Variants in NT5DC1 observed in about 807,000 individuals in gnomAD.
NT5DC1 encodes 5'-nucleotidase domain containing 1.
NT5DC1 carries 42 observed loss-of-function variants against 59.4 expected under a neutral mutation model. That is an observed-to-expected ratio of 0.71 (90% CI 0.55 to 0.92). NT5DC1 has a LOEUF of 0.92. Ranked by LOEUF, NT5DC1 falls within the 40% of genes least tolerant of loss-of-function variation. The pLI, the probability that NT5DC1 is intolerant of heterozygous loss-of-function variation, is 0.00. For synonymous variants in NT5DC1, 172 were observed against 188.1 expected, an observed-to-expected ratio of 0.91 and a Z score of 0.70; for missense variants, 501 against 537.1, an observed-to-expected ratio of 0.93 and a Z score of 0.66.
chr6:116,117,910 C>G lies in NT5DC1; in HGVS notation c.494C>G (p.Ala165Gly), dbSNP rs1258589033. ...TFDFWKDIVA[A>G]IQHNYKMSAF... ...GATTTTTGGAAGGATATAGTTGCTG[C>G]TATACAACACAATTATAAAATGTCA... Residue 165 changes from alanine (A) to glycine (G), a missense_variant, in exon 6 of 12, where the codon GCT (alanine) becomes GGT (glycine). By Grantham distance (60) the Ala-to-Gly change is moderately conservative. Transcript: ENST00000319550. 3 of 1,582,742 alleles carry G rather than the reference C, an allele frequency of 1.9e-6. No homozygotes were observed. The highest frequency in any genetic ancestry group is 2.6e-6 in the Non-Finnish European group (3 of 1,151,876).
chr6:116,248,548 C>G lies in NT5DC1; in HGVS notation c.*4524C>G, dbSNP rs1402075472. The G allele has an allele frequency of 2.6e-5, 4 of 152,106 alleles. No homozygotes were observed. The highest frequency in any genetic ancestry group is 9.7e-5 in the African/African-American group (4 of 41,414). The allele number at this position is 152,106 out of a possible 1,614,324, so 9.4% of individuals were successfully genotyped here. ...GCACGAGGAGTAATGGGGAGAAGGG[C>G]CTGATGAGAAGGTCAGAGAAGCCTT... On this transcript the variant is annotated 3_prime_UTR_variant, in exon 12 of 12. Coordinates refer to ENST00000319550, the MANE Select transcript of NT5DC1 (RefSeq NM_152729.3).
chr6:116,151,094 A>T (rs1312998353), intron 6 of NT5DC1, among the ~76,000 whole-genome samples: 1 of 151,960 alleles, frequency 6.6e-6, no homozygotes, highest in Non-Finnish European at 1.5e-5. Flanking sequence ...TTGCTCAGGG[A>T]TTAGAATTTG....
intron 1 of NT5DC1, 46 bp downstream of exon 1, chr6:116,101,069 CG>C: frequency 7.2e-7 from 1 of 1,391,200 alleles, no homozygotes. Flanking sequence ...ACCTCCATGG[CG>C]GCTGGGGCTT....
intron 8 of NT5DC1, among the ~76,000 whole-genome samples, chr6:116,232,914 G>A (rs1386466879): frequency 6.6e-6 from 1 of 152,032 alleles, no homozygotes; most frequent in Non-Finnish European, 1.5e-5. Context: ...TAAATTGATG[G>A]CTCCTCCATC....
At chr6:116,187,294 T>A (rs1582861985) in intron 6 of NT5DC1, among the ~76,000 whole-genome samples, 3 of 151,994 alleles carry the variant, frequency 2.0e-5, no homozygotes, top group African/African-American at 7.2e-5. Context: ...TCTGTGAGGG[T>A]CATTAGTTGT....
chr6:116,126,664 T>G (rs1327965887), intron 6 of NT5DC1, among the ~76,000 whole-genome samples: 2 of 152,214 alleles, frequency 1.3e-5, no homozygotes, highest in Non-Finnish European at 2.9e-5. Context: ...TTTAGATCCC[T>G]TATTCACAAC....
At position 116,125,326 on chromosome 6, in the gene NT5DC1, C is replaced by G. The variant is rs187987567; in HGVS notation, c.529+7381C>G. On this transcript the variant is annotated intron_variant, in intron 6 of 11. Transcript: ENST00000319550. ...CAACTTGTTAATAGAACAAAATATA[C>G]AATTCAATTTACCTTTACTCTTTAT... The G allele has an allele frequency of 3.4e-3, 5,506 of 1,612,152 alleles. 133 individuals carry two copies. In the South Asian group the frequency reaches 0.041, roughly 12 times the overall value.
intron 6 of NT5DC1, among the ~76,000 whole-genome samples, chr6:116,144,437 G>T (rs1779845095): frequency 6.8e-6 from 1 of 147,542 alleles, no homozygotes; most frequent in Non-Finnish European, 1.5e-5. Flanking sequence ...GGAGGCAGAG[G>T]TTGCAGTGAG....
At chr6:116,222,552 T>G (rs1781827671) in intron 7 of NT5DC1, among the ~76,000 whole-genome samples, 1 of 152,218 alleles carries the variant, frequency 6.6e-6, no homozygotes, top group Non-Finnish European at 1.5e-5. Context: ...CTACACTGAT[T>G]GTCAAATAAA....
intron 5 of NT5DC1, among the ~76,000 whole-genome samples, chr6:116,116,866 ATAAATATC>A (rs1177900175): frequency 1.3e-5 from 2 of 152,300 alleles, no homozygotes; most frequent in Non-Finnish European, 2.9e-5. Context: ...ATAATTAGAT[ATAAATATC>A]TAGTAGTCTG....
At chr6:116,182,782 A>G (rs752396893) in intron 6 of NT5DC1, among the ~76,000 whole-genome samples, 51 of 151,888 alleles carry the variant, frequency 3.4e-4, no homozygotes, top group Non-Finnish European at 6.9e-4. Flanking sequence ...GAGTCTAGAT[A>G]TTACTCCTTT....
At chr6:116,174,435 A>G (rs1310231300) in intron 6 of NT5DC1, among the ~76,000 whole-genome samples, 1 of 152,240 alleles carries the variant, frequency 6.6e-6, no homozygotes, top group Non-Finnish European at 1.5e-5. Flanking sequence ...AAAAGACGAT[A>G]TGCATGATTA....
intron 6 of NT5DC1, among the ~76,000 whole-genome samples, chr6:116,163,926 A>G (rs560652993): frequency 1.3e-5 from 2 of 152,168 alleles, no homozygotes; most frequent in East Asian, 1.9e-4. Context: ...TTCAGCATTC[A>G]TTTCTAATTT....
chr6:116,226,768 A>T (rs1781919222), intron 8 of NT5DC1, among the ~76,000 whole-genome samples: 1 of 152,104 alleles, frequency 6.6e-6, no homozygotes, highest in Non-Finnish European at 1.5e-5. Flanking sequence ...ATACCATTTT[A>T]AAAAATTGTT....
chr6:116,114,242 A>C (rs1425198461), intron 4 of NT5DC1, among the ~76,000 whole-genome samples: 1 of 152,012 alleles, frequency 6.6e-6, no homozygotes, highest in Non-Finnish European at 1.5e-5. Flanking sequence ...GAACTAACAG[A>C]AAACTTTGAT....
intron 1 of NT5DC1, among the ~76,000 whole-genome samples, chr6:116,102,054 A>G (rs1388298251): frequency 6.6e-6 from 1 of 152,256 alleles, no homozygotes; most frequent in Non-Finnish European, 1.5e-5. Flanking sequence ...TGTTGCAAGG[A>G]TTAAATGAGT....
At chr6:116,138,065 G>A (rs1321280850) in intron 6 of NT5DC1, among the ~76,000 whole-genome samples, 1 of 152,008 alleles carries the variant, frequency 6.6e-6, no homozygotes, top group Non-Finnish European at 1.5e-5. Flanking sequence ...GTGACAGAGT[G>A]AGACTCTGCT....
chr6:116,163,583 T>C (rs934914276), intron 6 of NT5DC1, among the ~76,000 whole-genome samples: 2 of 152,188 alleles, frequency 1.3e-5, no homozygotes, highest in Non-Finnish European at 2.9e-5. Context: ...TTTGGCTTTG[T>C]TGATCCCTTG....
At chr6:116,157,030 C>T (rs1268382360) in intron 6 of NT5DC1, among the ~76,000 whole-genome samples, 1 of 152,174 alleles carries the variant, frequency 6.6e-6, no homozygotes, top group East Asian at 1.9e-4. Context: ...AGTGCGTTCA[C>T]TTCATAGCAC....
Sources: gnomAD v4.1 joint callset for allele counts (sites outside exome capture counted in the v4.1 genomes callset) on GRCh38, gnomAD v4.1.1 for gene constraint, MANE v1.5 for transcripts, NCBI Gene and HGNC (gene_info 2026-07-23, HGNC 2026-07-21) for gene names.